Variants in ADAMTS6 observed in about 807,000 individuals in gnomAD.
The protein encoded by ADAMTS6 is A disintegrin and metalloproteinase with thrombospondin motifs 6.
ADAMTS6 carries 23 observed loss-of-function variants against 144.3 expected under a neutral mutation model. The observed-to-expected ratio is 0.16, with a 90% CI of 0.11 to 0.23. ADAMTS6 has a LOEUF of 0.23. Ranked by LOEUF, ADAMTS6 falls within the 10% of genes least tolerant of loss-of-function variation. The probability of loss-of-function intolerance (pLI) is 1.00; values close to 1 mark genes in which losing one functional copy is unlikely to be tolerated. For synonymous variants in ADAMTS6, 444 were observed against 457.5 expected (o/e 0.97, Z 0.38); for missense variants, 999 against 1,379.6 (o/e 0.72, Z 4.37).
chr5:65,341,441 C>G (rs1423941025), intron 7 of ADAMTS6, among the ~76,000 whole-genome samples: 1 of 151,670 alleles, frequency 6.6e-6, no homozygotes, highest in Non-Finnish European at 1.5e-5. Context: ...CGAAAACTGA[C>G]AAGCCATTTG....
In ADAMTS6 at chr5:65,224,345, T is replaced by C; in HGVS notation, c.2247A>G (p.Glu749=). The C allele has an allele frequency of 1.2e-6, 2 of 1,614,088 alleles. No individual in the cohort carries two copies. The highest frequency in any genetic ancestry group is 1.7e-6 in the Non-Finnish European group (2 of 1,180,006). The change falls in exon 18 of 25, where the codon GAA becomes GAG. Residue 749 remains glutamate, a synonymous_variant. Transcript: ENST00000381055. ...PRGSVHIEVR[E]VAMSKNYIAL... ...CAATATAGTTCTTTGACATGGCAACTTCTCTAACTTCAATGTGAACAGAGC... is the reference window on the plus strand; with the variant it reads ...CAATATAGTTCTTTGACATGGCAACCTCTCTAACTTCAATGTGAACAGAGC...
intron 11 of ADAMTS6, among the ~76,000 whole-genome samples, chr5:65,274,829 C>G (rs1002361153): frequency 7.2e-5 from 11 of 152,066 alleles, no homozygotes; most frequent in African/African-American, 2.7e-4. Flanking sequence ...GGACTACAGG[C>G]ACCCGCCACC....
intron 18 of ADAMTS6, among the ~76,000 whole-genome samples, chr5:65,216,865 T>C (rs1285146557): frequency 4.0e-5 from 6 of 151,410 alleles, no homozygotes; most frequent in African/African-American, 1.5e-4. Flanking sequence ...GTACAAAAAC[T>C]CCTATAAACA....
intron 11 of ADAMTS6, among the ~76,000 whole-genome samples, chr5:65,289,758 G>A (rs1742104526): frequency 6.6e-6 from 1 of 152,088 alleles, no homozygotes; most frequent in African/African-American, 2.4e-5. Context: ...TTTGCATGTA[G>A]AGTTAAAATC....
At chr5:65,459,118 C>T (rs1032896695) in intron 4 of ADAMTS6, among the ~76,000 whole-genome samples, 1 of 151,320 alleles carries the variant, frequency 6.6e-6, no homozygotes, top group Non-Finnish European at 1.5e-5. Context: ...CTCAAGCTAT[C>T]CTCCCGCCTC....
In ADAMTS6 at chr5:65,196,522, CAAAAA is replaced by C. The variant is rs533444182; in HGVS notation, c.2705+495_2705+499del. ...TGGGCGACAGAGCGAGACTCCGTCT[CAAAAA>C]AAAAAAAAAAAAAAAAAAAAAAAAA... is the stretch of plus-strand genomic sequence containing the variant. On this transcript the variant is annotated intron_variant, in intron 21 of 24. Coordinates refer to ENST00000381055, the MANE Select transcript of ADAMTS6 (RefSeq NM_197941.4). Among the ~76,000 whole-genome samples the C allele has an allele frequency of 4.5e-4, 17 of 38,028 alleles. No individual in the cohort carries two copies. In the East Asian group the frequency reaches 6.1e-3, roughly 14 times the overall value. 24.9% of individuals were successfully genotyped at this position (38,028 alleles called of 152,430 possible).
At chr5:65,275,383 GAAAGAA>G (rs1762412513) in intron 11 of ADAMTS6, among the ~76,000 whole-genome samples, 1 of 130,340 alleles carries the variant, frequency 7.7e-6, no homozygotes, top group Non-Finnish European at 1.7e-5. Context: ...AAGAAAGAAA[GAAAGAA>G]AGAAAGAAAG....
chr5:65,286,854 T>C (rs985421586), intron 11 of ADAMTS6, among the ~76,000 whole-genome samples: 5 of 152,232 alleles, frequency 3.3e-5, no homozygotes, highest in African/African-American at 4.8e-5. Flanking sequence ...TTTAAACTTA[T>C]TGTTATTACT....
chr5:65,311,742 G>C (rs2112844497), intron 9 of ADAMTS6, among the ~76,000 whole-genome samples: 1 of 152,088 alleles, frequency 6.6e-6, no homozygotes, highest in South Asian at 2.1e-4. Flanking sequence ...TATTGGTTCT[G>C]TTGGGAGATT....
chr5:65,471,290 A>T, intron 2 of ADAMTS6, 148 bp from the exon 3 acceptor site: 1 of 714,770 alleles, frequency 1.4e-6, no homozygotes, highest in Non-Finnish European at 2.0e-6. Context: ...AAAAAGTTAT[A>T]TTAAACAAAA....
At chr5:65,199,679 C>A (rs1009945972) in intron 20 of ADAMTS6, among the ~76,000 whole-genome samples, 3 of 151,948 alleles carry the variant, frequency 2.0e-5, no homozygotes, top group African/African-American at 7.3e-5. Flanking sequence ...ACATGTATAC[C>A]CAAACTAAAA....
At chr5:65,314,410 G>T (rs977292744) in intron 9 of ADAMTS6, among the ~76,000 whole-genome samples, 1 of 152,024 alleles carries the variant, frequency 6.6e-6, no homozygotes, top group Non-Finnish European at 1.5e-5. Context: ...ATCTGAAGGT[G>T]TGACTTCCAT....
chr5:65,403,939 G>GA lies in ADAMTS6; in HGVS notation c.1073+47535dup, dbSNP rs561018868. ...TATATTTCAGTGCATAGAATGCACA[G>GA]AAAAAAAAGAGTGCCTGATACAAAT... On this transcript the variant is annotated intron_variant, in intron 7 of 24. Coordinates refer to ENST00000381055, the MANE Select transcript of ADAMTS6 (RefSeq NM_197941.4). Among the ~76,000 whole-genome samples the GA allele has an allele frequency of 2.3e-3, 350 of 151,618 alleles. 2 individuals are homozygous for GA. Among genetic ancestry groups the GA allele is most frequent in the Admixed American group, 3.6e-3 (54 of 15,210 alleles).
intron 7 of ADAMTS6, among the ~76,000 whole-genome samples, chr5:65,367,820 T>G (rs979475643): frequency 2.6e-5 from 4 of 152,022 alleles, no homozygotes; most frequent in Non-Finnish European, 2.9e-5. Context: ...TGGCAACTGT[T>G]GTATATAAAC....
At chr5:65,334,608 A>T (rs999003870) in intron 7 of ADAMTS6, among the ~76,000 whole-genome samples, 1 of 152,186 alleles carries the variant, frequency 6.6e-6, no homozygotes, top group Non-Finnish European at 1.5e-5. Flanking sequence ...TTTATATTAC[A>T]TATTTCTCCT....
intron 20 of ADAMTS6, among the ~76,000 whole-genome samples, chr5:65,205,281 C>T (rs115153571): frequency 0.019 from 2,952 of 152,198 alleles, 39 homozygotes; most frequent in Non-Finnish European, 0.03. Flanking sequence ...GTCTCAGAAC[C>T]CTTGTTTGTT....
At chr5:65,209,355 A>G (rs1756335619) in intron 20 of ADAMTS6, among the ~76,000 whole-genome samples, 1 of 152,222 alleles carries the variant, frequency 6.6e-6, no homozygotes, top group African/African-American at 2.4e-5. Flanking sequence ...TTCTAGTAGC[A>G]ATGGTTCTGG....
chr5:65,152,913 T>A (rs1287976520), intron 24 of ADAMTS6, among the ~76,000 whole-genome samples: 1 of 152,212 alleles, frequency 6.6e-6, no homozygotes, highest in Non-Finnish European at 1.5e-5. Flanking sequence ...CCACCCTCAT[T>A]TTTCCAGGTA....
intron 7 of ADAMTS6, among the ~76,000 whole-genome samples, chr5:65,375,553 AC>A (rs1295181327): frequency 6.6e-6 from 1 of 152,126 alleles, no homozygotes; most frequent in East Asian, 1.9e-4. Context: ...AATCAAAACC[AC>A]AATGAGATAC....
Sources: allele counts gnomAD v4.1 joint callset (sites outside exome capture counted in the v4.1 genomes callset), GRCh38; gene constraint gnomAD v4.1.1; transcripts MANE v1.5; gene names NCBI Gene and HGNC (gene_info 2026-07-23, HGNC 2026-07-21).